CRMP1: variants seen among roughly 807,000 people sequenced by gnomAD.
The protein encoded by CRMP1 is dihydropyrimidinase-related protein 1.
CRMP1 carries 19 observed loss-of-function variants against 68.3 expected under a neutral mutation model. That is an observed-to-expected ratio of 0.28 (90% confidence interval 0.19 to 0.41). The LOEUF is 0.41. Ranked by LOEUF, CRMP1 falls within the 10% of genes least tolerant of loss-of-function variation. The pLI is 1.00. For synonymous variants in CRMP1, 439 were observed against 399.6 expected (o/e 1.10, Z -1.18); for missense variants, 791 against 967.4 (o/e 0.82, Z 2.42).
At chr4:5,847,731 G>C (rs1712328875) in intron 6 of CRMP1, among the ~76,000 whole-genome samples, 1 of 152,152 alleles carries the variant, frequency 6.6e-6, no homozygotes, top group South Asian at 2.1e-4. Context: ...AGAGGGAACT[G>C]GTTAACATCC....
intron 3 of CRMP1, among the ~76,000 whole-genome samples, chr4:5,857,509 T>C (rs1477711672): frequency 1.3e-5 from 2 of 152,144 alleles, no homozygotes; most frequent in African/African-American, 4.8e-5. Flanking sequence ...ACCATTGTCA[T>C]CATCATCACC....
rs1328042092 is a variant in CRMP1 at position 5,821,698 on chromosome 4, C to A, written c.*62G>T. The A allele has an allele frequency of 5.4e-6, 8 of 1,478,128 alleles. No individual in the cohort carries two copies. The highest frequency in any genetic ancestry group is 7.4e-6 in the Non-Finnish European group (8 of 1,082,978). 91.6% of individuals were successfully genotyped at this position (1,478,128 alleles called of 1,614,324 possible). A position where few individuals can be genotyped will look rare whatever the true frequency, so the allele number is the denominator to read the frequency against. Reference sequence around the variant, plus strand: ...AAACTGTGGGTTTCAAAAACACTGACAGGAAAAGGGATGGACATGATTCCC... The same window carrying A: ...AAACTGTGGGTTTCAAAAACACTGAAAGGAAAAGGGATGGACATGATTCCC... On this transcript the variant is annotated 3_prime_UTR_variant, in exon 14 of 14. Coordinates refer to ENST00000324989, the MANE Select transcript of CRMP1 (RefSeq NM_001014809.3). This position sits in a 1 kb window ranked among gnomAD's most constrained non-coding sequence, Gnocchi z 4.4.
At chr4:5,849,306 C>G (rs1712449949) in intron 6 of CRMP1, 86 bp downstream of exon 6, 1 of 1,079,812 alleles carries the variant, frequency 9.3e-7, no homozygotes, top group Admixed American at 1.8e-5. Flanking sequence ...GTACAGCCTC[C>G]TCACTAACCA....
intron 4 of CRMP1, among the ~76,000 whole-genome samples, chr4:5,852,662 T>A (rs544456399): frequency 1.3e-5 from 2 of 152,364 alleles, no homozygotes; most frequent in African/African-American, 4.8e-5. Context: ...CAACTCTCTG[T>A]GCAGGTCCCA....
In CRMP1 at chr4:5,888,485, GGAGGGCGGGAGAAGGAGGAGGGAGAGGC is replaced by G. The variant is rs1262760948; in HGVS notation, c.381+4076_381+4103del. The G allele has an allele frequency of 8.3e-7, 1 of 1,206,158 alleles. No homozygotes were observed. The highest frequency in any genetic ancestry group is 3.3e-4 in the Middle Eastern group (1 of 3,066). 74.7% of individuals were successfully genotyped at this position (1,206,158 alleles called of 1,614,324 possible). A position where few individuals can be genotyped will look rare whatever the true frequency, so the allele number is the denominator to read the frequency against. ...CTGCCAGCACCGCCCGGATCGGCGA[GGAGGGCGGGAGAAGGAGGAGGGAGAGGC>G]GAGGGCGGGAGGAGGGGGCTGCAGA... On this transcript the variant is annotated intron_variant, in intron 1 of 13. Coordinates refer to ENST00000324989, the MANE Select transcript of CRMP1 (RefSeq NM_001014809.3). The surrounding 1 kb of genome is among the most constrained non-coding windows in gnomAD (Gnocchi z 6.4).
At chr4:5,823,563 C>T (rs753282905) in intron 13 of CRMP1, among the ~76,000 whole-genome samples, 11 of 152,244 alleles carry the variant, frequency 7.2e-5, no homozygotes, top group Non-Finnish European at 1.2e-4. Context: ...ACAGACCACT[C>T]ATGAATGGCT....
chr4:5,868,263 A>ATATCTATATC (rs58253687), intron 1 of CRMP1, among the ~76,000 whole-genome samples: 2 of 8,088 alleles, frequency 2.5e-4, no homozygotes, highest in African/African-American at 6.0e-4. Flanking sequence ...CTATATATCT[A>ATATCTATATC]TATATATATA....
chr4:5,830,198 TC>T, intron 11 of CRMP1, among the ~76,000 whole-genome samples: 1 of 152,206 alleles, frequency 6.6e-6, no homozygotes, highest in East Asian at 1.9e-4. Flanking sequence ...GTCTTGGCAT[TC>T]TTCTTACTGA....
chr4:5,834,023 G>T lies in CRMP1; in HGVS notation c.1623+1892C>A, dbSNP rs1018685630. Among the ~76,000 whole-genome samples the T allele has an allele frequency of 6.6e-6, 1 of 152,198 alleles. No individual in the cohort carries two copies. Among genetic ancestry groups the T allele is most frequent in the Non-Finnish European group, 1.5e-5 (1 of 68,026 alleles). ...ATTGCGCCACTGCACTCCAGCCTGG[G>T]CAACAGAGCAAGACTCCATCTCAAC... On this transcript the variant is annotated intron_variant, in intron 11 of 13. Coordinates refer to ENST00000324989, the MANE Select transcript of CRMP1 (RefSeq NM_001014809.3). The surrounding 1 kb of genome is among the most constrained non-coding windows in gnomAD (Gnocchi z 4.3).
Position 5,842,652 on chromosome 4 carries a change from ACACACACACACTAACATACACACACT to A in CRMP1, c.1032+415_1032+440del, listed in dbSNP as rs1560496261. Among the ~76,000 whole-genome samples, 15 of 149,726 alleles carry A rather than the reference ACACACACACACTAACATACACACACT, an allele frequency of 1.0e-4. No homozygotes were observed. The highest frequency in any genetic ancestry group is 1.9e-4 in the Non-Finnish European group (13 of 67,674). The stretch of plus-strand genomic sequence containing the variant: ...CACACACACACGCACTGTCTCTCTC[ACACACACACACTAACATACACACACT>A]CACACACACACATACACACACAGCC... On this transcript the variant is annotated intron_variant, in intron 7 of 13. Transcript: ENST00000324989. The surrounding 1 kb of genome is among the most constrained non-coding windows in gnomAD (Gnocchi z 4.5).
chr4:5,851,903 AG>A (rs375268239), intron 4 of CRMP1, among the ~76,000 whole-genome samples: 26 of 11,892 alleles, frequency 2.2e-3, no homozygotes, highest in African/African-American at 4.6e-3. Flanking sequence ...AGGAAGAAAA[AG>A]GAGAAAGAGA....
chr4:5,842,625 C>CAA lies in CRMP1; in HGVS notation c.1032+467_1032+468insTT, dbSNP rs200164579. ...ACACACACACACACACACTCACTCACACACACACACACGCACTGTCTCTCT... is the reference window on the plus strand; with the variant it reads ...ACACACACACACACACACTCACTCACAAACACACACACACGCACTGTCTCTCT... On this transcript the variant is annotated intron_variant, in intron 7 of 13. Transcript: ENST00000324989. This position sits in a 1 kb window ranked among gnomAD's most constrained non-coding sequence, Gnocchi z 4.5. Among the ~76,000 whole-genome samples, 2,404 of 144,536 alleles carry CAA rather than the reference C, an allele frequency of 0.017. 52 individuals carry two copies. Among genetic ancestry groups the CAA allele is most frequent in the African/African-American group, 0.056 (2,245 of 40,392 alleles). 94.8% of individuals were successfully genotyped at this position (144,536 alleles called of 152,430 possible). A position where few individuals can be genotyped will look rare whatever the true frequency, so the allele number is the denominator to read the frequency against.
chr4:5,827,939 C>G (rs1719945921), intron 12 of CRMP1: 1 of 671,104 alleles, frequency 1.5e-6, no homozygotes, highest in Non-Finnish European at 1.8e-6. Flanking sequence ...TGACAGATGT[C>G]CTGAGGTCAG....
Position 5,872,674 on chromosome 4 carries a change from G to A in CRMP1, c.382-5918C>T, listed in dbSNP as rs751889205. The stretch of plus-strand genomic sequence containing the variant: ...TGCAGTCCAGCCTGGGCAACAGAGC[G>A]AGACTCCATCTCAAAAAACAATTAT... On this transcript the variant is annotated intron_variant, in intron 1 of 13. Coordinates refer to ENST00000324989, the MANE Select transcript of CRMP1 (RefSeq NM_001014809.3). The surrounding 1 kb of genome is among the most constrained non-coding windows in gnomAD (Gnocchi z 4.6). Among the ~76,000 whole-genome samples, 15 of 152,180 alleles carry A rather than the reference G, an allele frequency of 9.9e-5. No individual in the cohort carries two copies. The highest frequency in any genetic ancestry group is 1.6e-4 in the Non-Finnish European group (11 of 68,032).
In CRMP1 at chr4:5,889,566, G is replaced by C. The variant is rs11729793; in HGVS notation, c.381+3023C>G. On this transcript the variant is annotated intron_variant, in intron 1 of 13. Transcript: ENST00000324989. This position sits in a 1 kb window ranked among gnomAD's most constrained non-coding sequence, Gnocchi z 4.5. ...AGATGGAGGAAAAGGGGGAGCCCCA[G>C]CAAGCCCCAACCTCACTGGACAGGT... The C allele has an allele frequency of 6.5e-7, 1 of 1,535,566 alleles. No homozygotes were observed. The highest frequency in any genetic ancestry group is 1.4e-5 in the African/African-American group (1 of 73,040).
chr4:5,825,695 C>CTGTGCA lies in CRMP1; in HGVS notation c.1804-42_1804-37dup. The CTGTGCA allele has an allele frequency of 6.2e-7, 1 of 1,607,062 alleles. No individual in the cohort carries two copies. Among genetic ancestry groups the CTGTGCA allele is most frequent in the Non-Finnish European group, 8.5e-7 (1 of 1,175,802 alleles). On this transcript the variant is annotated intron_variant, in intron 12 of 13. Transcript: ENST00000324989. The surrounding 1 kb of genome is among the most constrained non-coding windows in gnomAD (Gnocchi z 4.4). ...GAAGGGAGAGTGTGATTGATCGACACTGTGCATGTGTGCCCTTCTGGGCAG... is the reference window on the plus strand; with the variant it reads ...GAAGGGAGAGTGTGATTGATCGACACTGTGCATGTGCATGTGTGCCCTTCTGGGCAG...
intron 13 of CRMP1, chr4:5,824,477 C>A: frequency 2.0e-6 from 2 of 985,186 alleles, no homozygotes; most frequent in Non-Finnish European, 1.2e-6. Flanking sequence ...TGAATTCACA[C>A]GTCATCCTCT....
intron 6 of CRMP1, among the ~76,000 whole-genome samples, chr4:5,848,240 G>T (rs899039851): frequency 2.6e-5 from 4 of 151,964 alleles, no homozygotes; most frequent in African/African-American, 9.7e-5. Flanking sequence ...CACCTTCCAG[G>T]TTCAAGCAAT....
At chr4:5,887,919 T>G in intron 1 of CRMP1, 1 of 640,482 alleles carries the variant, frequency 1.6e-6, no homozygotes, top group Non-Finnish European at 2.1e-6. Flanking sequence ...CCCTCTTTTG[T>G]TCGGCTCCGC....
Sources: allele counts gnomAD v4.1 joint callset (sites outside exome capture counted in the v4.1 genomes callset), GRCh38; gene constraint gnomAD v4.1.1; non-coding constraint Gnocchi (gnomAD v3.1); transcripts MANE v1.5; gene names NCBI Gene and HGNC (gene_info 2026-07-23, HGNC 2026-07-21).